Variants in KCNMA1 observed in about 807,000 individuals in gnomAD.
KCNMA1 encodes potassium calcium-activated channel subfamily M alpha 1, also known as Calcium-activated potassium channel subunit alpha-1.
A neutral mutation model predicts 140.0 loss-of-function variants in KCNMA1; 29 were observed. That is an observed-to-expected ratio of 0.21 (90% CI 0.15 to 0.28). The LOEUF (loss-of-function observed/expected upper bound fraction) is 0.28, where lower values mean the gene tolerates loss of function less well. Ranked by LOEUF, KCNMA1 falls within the 10% of genes least tolerant of loss-of-function variation. The pLI, the probability that KCNMA1 is intolerant of heterozygous loss-of-function variation, is 1.00. For synonymous variants in KCNMA1, 612 were observed against 611.9 expected, an observed-to-expected ratio of 1.00 and a Z score of 0.00; for missense variants, 880 against 1,602.2, an observed-to-expected ratio of 0.55 and a Z score of 7.70.
chr10:77,148,714 C>T (rs989540259), intron 5 of KCNMA1, among the ~76,000 whole-genome samples: 2 of 152,092 alleles, frequency 1.3e-5, no homozygotes, highest in East Asian at 1.9e-4. Context: ...GTGCTCAATG[C>T]GGCCATTGGA....
intron 1 of KCNMA1, among the ~76,000 whole-genome samples, chr10:77,428,893 G>C (rs549689376): frequency 6.6e-6 from 1 of 152,280 alleles, no homozygotes; most frequent in African/African-American, 2.4e-5. Context: ...AGTGGGTTTT[G>C]AAATCCAAGT....
At chr10:77,623,461 C>T (rs573662960) in intron 1 of KCNMA1, among the ~76,000 whole-genome samples, 22 of 151,610 alleles carry the variant, frequency 1.5e-4, no homozygotes, top group South Asian at 1.3e-3. Context: ...TCTGGGAGGC[C>T]GAGGCAGGTG....
intron 1 of KCNMA1, among the ~76,000 whole-genome samples, chr10:77,625,389 G>T (rs537876513): frequency 3.3e-5 from 5 of 151,956 alleles, no homozygotes; most frequent in African/African-American, 9.6e-5. Context: ...AAAAAAAAAA[G>T]TACCATCTCA....
chr10:77,487,358 G>T (rs1359465391), intron 1 of KCNMA1, among the ~76,000 whole-genome samples: 1 of 152,032 alleles, frequency 6.6e-6, no homozygotes, highest in African/African-American at 2.4e-5. Flanking sequence ...AAGTCAACTG[G>T]GGAAAACAAG....
intron 23 of KCNMA1, among the ~76,000 whole-genome samples, chr10:76,916,045 CAT>C (rs148204938): frequency 0.03 from 4,559 of 150,250 alleles, 217 homozygotes; most frequent in African/African-American, 0.11. Context: ...CACACACACA[CAT>C]ACACAAATGT....
At chr10:77,543,725 G>C (rs754933703) in intron 1 of KCNMA1, among the ~76,000 whole-genome samples, 5 of 152,180 alleles carry the variant, frequency 3.3e-5, no homozygotes, top group Non-Finnish European at 5.9e-5. Flanking sequence ...GAATTCCTAC[G>C]TAGGGGACAT....
intron 17 of KCNMA1, among the ~76,000 whole-genome samples, chr10:77,016,535 G>A (rs1446111424): frequency 6.6e-6 from 1 of 152,088 alleles, no homozygotes; most frequent in Non-Finnish European, 1.5e-5. Flanking sequence ...GGAGAAATGA[G>A]TAATAAGGAT....
chr10:76,944,697 C>T (rs1565090197), intron 23 of KCNMA1, 76 bp downstream of exon 23: 1 of 1,363,720 alleles, frequency 7.3e-7, no homozygotes, highest in Non-Finnish European at 1.0e-6. Context: ...CTTTGAATTA[C>T]TGAGTGAAGG....
chr10:77,124,050 G>A (rs889156988), intron 5 of KCNMA1, among the ~76,000 whole-genome samples: 12 of 152,116 alleles, frequency 7.9e-5, no homozygotes, highest in African/African-American at 2.2e-4. Flanking sequence ...TTCAGACTAC[G>A]GTTGCCTGGG....
chr10:77,637,648 G>T lies in KCNMA1; in HGVS notation c.-6C>A. ...CCGCCGCCACCATTTGCCATAGCTA[G>T]CAACGGGCAGCCGGCGCAGGGGCTC... On this transcript the variant is annotated 5_prime_UTR_variant, in exon 1 of 28. It introduces an in-frame stop codon into an upstream open reading frame of the 5' UTR. Coordinates refer to ENST00000286628, the MANE Select transcript of KCNMA1 (RefSeq NM_001161352.2). The T allele has an allele frequency of 6.6e-7, 1 of 1,506,110 alleles. No homozygotes were observed. The highest frequency in any genetic ancestry group is 8.8e-7 in the Non-Finnish European group (1 of 1,133,834). 93.3% of individuals were successfully genotyped at this position (1,506,110 alleles called of 1,614,324 possible).
At chr10:77,302,568 A>C (rs2076783161) in intron 2 of KCNMA1, among the ~76,000 whole-genome samples, 1 of 152,210 alleles carries the variant, frequency 6.6e-6, no homozygotes, top group African/African-American at 2.4e-5. Flanking sequence ...ACATTCAAAA[A>C]GAATGAGGTT....
At chr10:77,306,801 G>C (rs1162239781) in intron 2 of KCNMA1, among the ~76,000 whole-genome samples, 3 of 152,186 alleles carry the variant, frequency 2.0e-5, no homozygotes, top group African/African-American at 7.2e-5. Flanking sequence ...GTGCTATCTA[G>C]GAGGTAGGAC....
intron 5 of KCNMA1, among the ~76,000 whole-genome samples, chr10:77,180,378 T>C (rs2098793631): frequency 6.6e-6 from 1 of 152,248 alleles, no homozygotes; most frequent in African/African-American, 2.4e-5. Context: ...CTTGAAATAT[T>C]ATTGTACTGA....
At chr10:76,986,940 A>G (rs1027792030) in intron 19 of KCNMA1, among the ~76,000 whole-genome samples, 2 of 152,234 alleles carry the variant, frequency 1.3e-5, no homozygotes, top group African/African-American at 2.4e-5. Flanking sequence ...TTTGAGATCA[A>G]TCTATTCAAG....
In KCNMA1 at chr10:77,542,659, C is replaced by CA. The variant is rs1358647220; in HGVS notation, c.378+94605dup. On this transcript the variant is annotated intron_variant, in intron 1 of 27. Coordinates refer to ENST00000286628, the MANE Select transcript of KCNMA1 (RefSeq NM_001161352.2). ...CAATACATAATCAGACAAAGCAAAA[C>CA]AAAAAAACAAAAACCAATAAGTGAA... 4.6e-5 allele frequency among the ~76,000 whole-genome samples: 7 copies of CA among 151,734 alleles called. No individual in the cohort carries two copies. In the East Asian group the frequency reaches 5.8e-4, roughly 13 times the overall value.
intron 16 of KCNMA1, 108 bp from the exon 17 acceptor site, chr10:77,019,207 T>C (rs969600579): frequency 1.3e-5 from 9 of 703,388 alleles, no homozygotes; most frequent in Non-Finnish European, 2.0e-5. Context: ...GGCCCACTAG[T>C]CTAAAGCTTT....
chr10:77,279,634 A>G (rs2154293781), intron 2 of KCNMA1, among the ~76,000 whole-genome samples: 1 of 152,306 alleles, frequency 6.6e-6, no homozygotes. Context: ...GTGGCCTACC[A>G]GGTGTCTTGA....
intron 2 of KCNMA1, among the ~76,000 whole-genome samples, chr10:77,334,685 C>T (rs1225235114): frequency 6.6e-6 from 1 of 152,166 alleles, no homozygotes; most frequent in African/African-American, 2.4e-5. Context: ...CATATTTACA[C>T]ATGAAACATA....
chr10:76,933,169 T>G (rs188391655), intron 23 of KCNMA1, among the ~76,000 whole-genome samples: 1 of 152,182 alleles, frequency 6.6e-6, no homozygotes, highest in Non-Finnish European at 1.5e-5. Flanking sequence ...AGGGAAAGTG[T>G]AGGTTTTTAA....
Sources: gnomAD v4.1 joint callset for allele counts (sites outside exome capture counted in the v4.1 genomes callset) on GRCh38, gnomAD v4.1.1 for gene constraint, MANE v1.5 for transcripts, NCBI Gene and HGNC (gene_info 2026-07-23, HGNC 2026-07-21) for gene names.